LHCGR: variants seen among roughly 807,000 people sequenced by gnomAD.
LHCGR encodes lutropin-choriogonadotropic hormone receptor.
In LHCGR, 55 loss-of-function variants were observed where a neutral mutation model predicts 60.7. The observed-to-expected ratio is 0.91, with a 90% CI of 0.73 to 1.13. The LOEUF (loss-of-function observed/expected upper bound fraction) is 1.13, where lower values mean the gene tolerates loss of function less well. LHCGR is among the 50% of genes most tolerant of loss of function. LHCGR has a pLI of 0.00. For synonymous variants in LHCGR, 337 were observed against 316.5 expected, an observed-to-expected ratio of 1.06 and a Z score of -0.69; for missense variants, 862 against 836.0, an observed-to-expected ratio of 1.03 and a Z score of -0.38.
intron 1 of LHCGR, among the ~76,000 whole-genome samples, chr2:48,733,736 G>A (rs1304596251): frequency 6.6e-6 from 1 of 151,864 alleles, no homozygotes; most frequent in African/African-American, 2.4e-5. Context: ...CCTGTGAATC[G>A]AAAACCATTT....
At chr2:48,707,468 T>C (rs1189637860) in intron 8 of LHCGR, among the ~76,000 whole-genome samples, 1 of 152,214 alleles carries the variant, frequency 6.6e-6, no homozygotes, top group African/African-American at 2.4e-5. Flanking sequence ...GGCAGGGACG[T>C]TTAAGTCTGC....
chr2:48,723,725 G>C (rs1451609763), intron 4 of LHCGR, 29 bp from the exon 5 acceptor site: 1 of 1,500,852 alleles, frequency 6.7e-7, no homozygotes, highest in Admixed American at 1.7e-5. Context: ...TAGTGGTGTG[G>C]GCAGAGAGTG....
Position 48,706,967 on chromosome 2 carries a change from C to T in LHCGR, c.680+1981G>A, listed in dbSNP as rs142946552. Among the ~76,000 whole-genome samples, 118 of 152,216 alleles carry T rather than the reference C, an allele frequency of 7.8e-4. No individual in the cohort carries two copies. In the East Asian group the frequency reaches 0.018, roughly 24 times the overall value. ...GAGTGGTGATCCTTTGGAGGAGAAGCGATGTTCTGGTTTTTGGAATTTTCA... is the reference window on the plus strand; with the variant it reads ...GAGTGGTGATCCTTTGGAGGAGAAGTGATGTTCTGGTTTTTGGAATTTTCA... On this transcript the variant is annotated intron_variant, in intron 8 of 10. Transcript: ENST00000294954.
chr2:48,737,869 C>G (rs908940416), intron 1 of LHCGR, among the ~76,000 whole-genome samples: 1 of 152,364 alleles, frequency 6.6e-6, no homozygotes, highest in Middle Eastern at 3.4e-3. Context: ...TCCAACCCCT[C>G]ACTTTACAGA....
intron 8 of LHCGR, among the ~76,000 whole-genome samples, chr2:48,700,728 T>A (rs1002377288): frequency 1.3e-5 from 2 of 152,144 alleles, no homozygotes; most frequent in Non-Finnish European, 1.5e-5. Flanking sequence ...ATATGAGACA[T>A]GCAGAAAAAG....
rs1045815104 is a variant in LHCGR, at chr2:48,694,289, A to G, written c.882T>C (p.His294=). ...NLPTKEQNFS[H]SISENFSKQC... is the part of the protein sequence containing the mutation. Reference sequence around the variant, plus strand: ...GTTTGGAAAAGTTTTCAGAAATGGAATGTGAAAAATTCTGTCTGAAAGAGA... The same window carrying G: ...GTTTGGAAAAGTTTTCAGAAATGGAGTGTGAAAAATTCTGTCTGAAAGAGA... The change falls in exon 10 of 11, where the codon CAT becomes CAC. Residue 294 remains histidine, a synonymous_variant. Coordinates refer to ENST00000294954, the MANE Select transcript of LHCGR (RefSeq NM_000233.4). The G allele has an allele frequency of 1.3e-6, 2 of 1,598,868 alleles. No homozygotes were observed. The highest frequency in any genetic ancestry group is 1.7e-6 in the Non-Finnish European group (2 of 1,168,502).
chr2:48,701,315 A>G (rs1487151916), intron 8 of LHCGR, among the ~76,000 whole-genome samples: 3 of 152,138 alleles, frequency 2.0e-5, no homozygotes, highest in Non-Finnish European at 4.4e-5. Context: ...CAAAGTCTAT[A>G]TAAGTGACCA....
chr2:48,697,632 C>T (rs1667181940), intron 9 of LHCGR, among the ~76,000 whole-genome samples: 1 of 152,152 alleles, frequency 6.6e-6, no homozygotes, highest in East Asian at 1.9e-4. Context: ...ATAAATAATT[C>T]ATTTTGGTTG....
At chr2:48,697,481 T>C (rs1473905620) in intron 9 of LHCGR, among the ~76,000 whole-genome samples, 1 of 152,250 alleles carries the variant, frequency 6.6e-6, no homozygotes, top group African/African-American at 2.4e-5. Flanking sequence ...AGTGCTCAGT[T>C]AATGTTTTGG....
chr2:48,707,968 C>A (rs1667777467), intron 8 of LHCGR, among the ~76,000 whole-genome samples: 1 of 152,184 alleles, frequency 6.6e-6, no homozygotes, highest in Non-Finnish European at 1.5e-5. Context: ...AATCCCTGGA[C>A]CCCTTGTGCT....
intron 6 of LHCGR, among the ~76,000 whole-genome samples, chr2:48,719,055 G>A (rs185795316): frequency 6.6e-6 from 1 of 152,324 alleles, no homozygotes; most frequent in East Asian, 1.9e-4. Context: ...GGGCATGGTG[G>A]CTCACGCCTG....
rs766301939 is a variant in LHCGR at position 48,708,939 on chromosome 2, T to C, written c.680+9A>G. 8.4e-5 allele frequency: 136 copies of C among 1,612,206 alleles called. No homozygotes were observed. The Admixed American group carries it at 2.3e-3, about 27-fold the overall frequency. The stretch of plus-strand genomic sequence containing the variant: ...GGGCAGGGAGGGGAGGCAGCACCAT[T>C]CTACTCACAAGGTTTTCGGCCCTGT... On this transcript the variant is annotated intron_variant, in intron 8 of 10. Transcript: ENST00000294954.
intron 7 of LHCGR, 140 bp downstream of exon 7, chr2:48,713,846 A>G: frequency 1.4e-6 from 1 of 734,698 alleles, no homozygotes; most frequent in South Asian, 1.5e-5. Context: ...GTTGCCTAGT[A>G]ACATGCATGA....
chr2:48,728,628 G>A (rs1483379323), intron 3 of LHCGR, among the ~76,000 whole-genome samples: 1 of 151,966 alleles, frequency 6.6e-6, no homozygotes, highest in Non-Finnish European at 1.5e-5. Flanking sequence ...TGATTTTTTG[G>A]GGAAATGATA....
chr2:48,714,061 G>T lies in LHCGR; in HGVS notation c.537-7C>A. 1 of 1,605,438 alleles carries T rather than the reference G, an allele frequency of 6.2e-7. No homozygotes were observed. Among genetic ancestry groups the T allele is most frequent in the Non-Finnish European group, 8.5e-7 (1 of 1,172,142 alleles). On this transcript the variant is annotated splice_region_variant and splice_polypyrimidine_tract_variant and intron_variant, in intron 6 of 10. Transcript: ENST00000294954. Reference sequence around the variant, plus strand: ...TCCATTTCCATATAGTTTGCTGAAGGAGGGAGGAGAGGGTTTAGGAATGGG... The same window carrying T: ...TCCATTTCCATATAGTTTGCTGAAGTAGGGAGGAGAGGGTTTAGGAATGGG...
intron 8 of LHCGR, chr2:48,708,632 G>A (rs948737973): frequency 8.1e-6 from 4 of 493,304 alleles, no homozygotes; most frequent in Non-Finnish European, 1.5e-5. Flanking sequence ...CAACCAGAAA[G>A]AACTAGCACA....
At chr2:48,693,133 G>C (rs1666941539) in intron 10 of LHCGR, among the ~76,000 whole-genome samples, 1 of 152,156 alleles carries the variant, frequency 6.6e-6, no homozygotes, top group Non-Finnish European at 1.5e-5. Context: ...ACAGAAGGTT[G>C]CTGATAGAAT....
chr2:48,707,680 C>T (rs1667761004), intron 8 of LHCGR, among the ~76,000 whole-genome samples: 1 of 152,248 alleles, frequency 6.6e-6, no homozygotes, highest in Non-Finnish European at 1.5e-5. Context: ...TTTGTTTACA[C>T]AGTGTGCATA....
chr2:48,735,505 T>C (rs551346184), intron 1 of LHCGR, among the ~76,000 whole-genome samples: 1 of 152,322 alleles, frequency 6.6e-6, no homozygotes, highest in East Asian at 1.9e-4. Context: ...AATCACCAGA[T>C]CCTGATCCCT....
Sources: gnomAD v4.1 joint callset for allele counts (sites outside exome capture counted in the v4.1 genomes callset) on GRCh38, gnomAD v4.1.1 for gene constraint, MANE v1.5 for transcripts, NCBI Gene and HGNC (gene_info 2026-07-23, HGNC 2026-07-21) for gene names.